CYP7B1: variants seen among roughly 807,000 people sequenced by gnomAD.
CYP7B1 encodes cytochrome P450 family 7 subfamily B member 1.
A neutral mutation model predicts 42.7 loss-of-function variants in CYP7B1; 29 were observed. The ratio of observed to expected loss-of-function variants is 0.68; its 90% CI spans 0.51 to 0.93. The LOEUF (loss-of-function observed/expected upper bound fraction) is 0.93, where lower values mean the gene tolerates loss of function less well. CYP7B1 is among the 40% of genes least tolerant of loss of function. The pLI, the probability that CYP7B1 is intolerant of heterozygous loss-of-function variation, is 0.00. For missense variants in CYP7B1, 655 were observed against 600.5 expected (o/e 1.09, Z -0.95); for synonymous variants, 235 against 218.2 (o/e 1.08, Z -0.68).
At position 64,774,588 on chromosome 8, in the gene CYP7B1, T is replaced by G. The variant is rs1471569921; in HGVS notation, c.122+23878A>C. Among the ~76,000 whole-genome samples the G allele has an allele frequency of 4.6e-5, 7 of 152,300 alleles. No individual in the cohort carries two copies. The South Asian group carries it at 1.4e-3, about 32-fold the overall frequency. ...CTTGAATTTGTTAAGCAACCTTGAA[T>G]TAATAGAACACATAAGTGTGAACAT... is the stretch of plus-strand genomic sequence containing the variant. On this transcript the variant is annotated intron_variant, in intron 1 of 5. Coordinates refer to ENST00000310193, the MANE Select transcript of CYP7B1 (RefSeq NM_004820.5).
intron 1 of CYP7B1, among the ~76,000 whole-genome samples, chr8:64,730,866 G>A (rs146477483): frequency 7.1e-4 from 108 of 151,958 alleles, no homozygotes; most frequent in African/African-American, 2.5e-3. Context: ...ACTAGGGGAG[G>A]GATCTTGTGG....
chr8:64,651,428 A>C (rs1267125330), intron 1 of CYP7B1, among the ~76,000 whole-genome samples: 1 of 152,252 alleles, frequency 6.6e-6, no homozygotes, highest in Non-Finnish European at 1.5e-5. Context: ...TTGGTGGTTA[A>C]GGACGTAGCG....
chr8:64,731,801 A>C (rs137911577), intron 1 of CYP7B1, among the ~76,000 whole-genome samples: 1 of 152,334 alleles, frequency 6.6e-6, no homozygotes, highest in African/African-American at 2.4e-5. Context: ...CCGGTGTCCC[A>C]GATGCTTCAG....
In CYP7B1 at chr8:64,731,677, C is replaced by T. The variant is rs375642987; in HGVS notation, c.122+66789G>A. On this transcript the variant is annotated intron_variant, in intron 1 of 5. Coordinates refer to ENST00000310193, the MANE Select transcript of CYP7B1 (RefSeq NM_004820.5). ...TGGGGAAAATGTCTCCAGGGCATGT[C>T]GGAGACCTTCACAGCAGCCCCTCTC... Among the ~76,000 whole-genome samples the T allele has an allele frequency of 5.1e-4, 78 of 152,324 alleles. 1 individual carries two copies. In the South Asian group the frequency reaches 0.015, roughly 30 times the overall value.
At chr8:64,680,806 A>G (rs1023566332) in intron 1 of CYP7B1, among the ~76,000 whole-genome samples, 1 of 152,226 alleles carries the variant, frequency 6.6e-6, no homozygotes, top group Non-Finnish European at 1.5e-5. Context: ...TATATTTGTG[A>G]GAAAGTAAGG....
intron 1 of CYP7B1, among the ~76,000 whole-genome samples, chr8:64,748,777 C>A (rs1394550249): frequency 6.6e-6 from 1 of 152,202 alleles, no homozygotes; most frequent in Non-Finnish European, 1.5e-5. Context: ...ATGACTTCAA[C>A]TAAAAATGAC....
downstream of CYP7B1, among the ~76,000 whole-genome samples, chr8:64,590,418 T>C (rs1025519214): frequency 2.6e-5 from 4 of 152,198 alleles, no homozygotes; most frequent in African/African-American, 9.7e-5. Flanking sequence ...TAGAATACTG[T>C]CCAAATATTA....
downstream of CYP7B1, among the ~76,000 whole-genome samples, chr8:64,588,289 C>A (rs1285015940): frequency 6.6e-6 from 1 of 152,174 alleles, no homozygotes; most frequent in African/African-American, 2.4e-5. Flanking sequence ...CCATAAACTG[C>A]TAACCACCCA....
At chr8:64,707,210 C>CCTAG (rs1361053683) in intron 1 of CYP7B1, among the ~76,000 whole-genome samples, 1 of 151,968 alleles carries the variant, frequency 6.6e-6, no homozygotes, top group Non-Finnish European at 1.5e-5. Context: ...TTTGAAGGTA[C>CCTAG]CTAGAGGCCA....
At chr8:64,604,888 A>G in intron 4 of CYP7B1, 31 bp from the exon 5 acceptor site, 1 of 1,606,502 alleles carries the variant, frequency 6.2e-7, no homozygotes, top group South Asian at 1.1e-5. Flanking sequence ...ATAGCTTATT[A>G]AGATAGGGCT....
chr8:64,596,642 C>T lies in CYP7B1; in HGVS notation c.1521G>A (p.Ter507=). ...DVLFRYKVKS[*] is the part of the protein sequence containing the mutation. ...TTTATTTTCTTTCCTTTTAGCTTCT[C>T]TAAGATTTCACTTTGTATCTAAATA... Residue 507 remains the stop codon, a stop_retained_variant, in exon 6 of 6, where the codon TAG becomes TAA. Coordinates refer to ENST00000310193, the MANE Select transcript of CYP7B1 (RefSeq NM_004820.5). 6.2e-7 allele frequency: 1 copy of T among 1,610,646 alleles called. No individual in the cohort carries two copies. Among genetic ancestry groups the T allele is most frequent in the Non-Finnish European group, 8.5e-7 (1 of 1,177,978 alleles).
chr8:64,695,603 CTTTTTTT>C (rs35575527), intron 1 of CYP7B1, among the ~76,000 whole-genome samples: 245 of 100,138 alleles, frequency 2.4e-3, no homozygotes, highest in African/African-American at 5.6e-3. Flanking sequence ...TATCAAATTC[CTTTTTTT>C]TTTTTTTTTT....
chr8:64,788,355 A>G (rs1303673782), intron 1 of CYP7B1, among the ~76,000 whole-genome samples: 1 of 152,228 alleles, frequency 6.6e-6, no homozygotes, highest in Non-Finnish European at 1.5e-5. Flanking sequence ...TGATAACTTG[A>G]TGAGAAAAAA....
intron 4 of CYP7B1, among the ~76,000 whole-genome samples, chr8:64,613,208 T>C (rs1461889431): frequency 6.6e-6 from 1 of 152,178 alleles, no homozygotes; most frequent in Non-Finnish European, 1.5e-5. Context: ...TTGTCAATGA[T>C]AGGAGACTTG....
At chr8:64,765,634 T>A (rs1171526833) in intron 1 of CYP7B1, among the ~76,000 whole-genome samples, 1 of 152,158 alleles carries the variant, frequency 6.6e-6, no homozygotes, top group Non-Finnish European at 1.5e-5. Context: ...ACTAATCCGA[T>A]AAGCAGAGGT....
chr8:64,745,146 C>A (rs1807624633), intron 1 of CYP7B1, among the ~76,000 whole-genome samples: 1 of 152,112 alleles, frequency 6.6e-6, no homozygotes, highest in South Asian at 2.1e-4. Context: ...GCAAGGACAA[C>A]CAAAAAGCTT....
intron 1 of CYP7B1, among the ~76,000 whole-genome samples, chr8:64,639,171 T>A (rs191024368): frequency 8.5e-4 from 130 of 152,066 alleles, no homozygotes; most frequent in East Asian, 9.7e-4. Context: ...AAAAAAAAAA[T>A]TTACCATTTT....
At chr8:64,742,453 C>T (rs543134937) in intron 1 of CYP7B1, among the ~76,000 whole-genome samples, 18 of 152,132 alleles carry the variant, frequency 1.2e-4, no homozygotes, top group Non-Finnish European at 2.1e-4. Context: ...AAAAAAAGAC[C>T]ATGAATGCTT....
intron 1 of CYP7B1, among the ~76,000 whole-genome samples, chr8:64,716,020 A>G (rs908446120): frequency 6.6e-6 from 1 of 152,138 alleles, no homozygotes; most frequent in African/African-American, 2.4e-5. Flanking sequence ...CCTGTTTTTT[A>G]TCTTCTCTAA....
Sources: gnomAD v4.1 joint callset for allele counts (sites outside exome capture counted in the v4.1 genomes callset) on GRCh38, gnomAD v4.1.1 for gene constraint, MANE v1.5 for transcripts, NCBI Gene and HGNC (gene_info 2026-07-23, HGNC 2026-07-21) for gene names.